BRAF: variants seen among roughly 807,000 people sequenced by gnomAD.
BRAF encodes the protein B-Raf proto-oncogene, serine/threonine kinase, also known as serine/threonine-protein kinase B-raf.
Under a neutral mutation model 104.6 loss-of-function variants are expected in BRAF, and 16 were observed. The observed-to-expected ratio is 0.15, with a 90% CI of 0.10 to 0.23. BRAF has a LOEUF of 0.23. Among genes scored for constraint, BRAF ranks in the 10% least tolerant of loss-of-function variants. The pLI is 1.00. For synonymous variants in BRAF, 310 were observed against 341.6 expected, an observed-to-expected ratio of 0.91 and a Z score of 1.02; for missense variants, 541 against 937.3, an observed-to-expected ratio of 0.58 and a Z score of 5.52.
chr7:140,825,671 A>C (rs1481636264), intron 3 of BRAF, among the ~76,000 whole-genome samples: 1 of 152,210 alleles, frequency 6.6e-6, no homozygotes, highest in Non-Finnish European at 1.5e-5. Context: ...CATTTGCCCA[A>C]GTCAACCTAA....
At position 140,834,859 on chromosome 7, in the gene BRAF, T is replaced by C. The variant is rs1131691387; in HGVS notation, c.254A>G (p.Tyr85Cys). 4.3e-6 allele frequency: 7 copies of C among 1,614,040 alleles called. No homozygotes were observed. The highest frequency in any genetic ancestry group is 5.1e-6 in the Non-Finnish European group (6 of 1,179,986). Residue 85 changes from tyrosine (Y) to cysteine (C), a missense_variant, in exon 3 of 20, where the codon TAC becomes TGC. This residue lies in a region of BRAF where 86 missense variants were observed against 133.9 expected (regional missense o/e 0.64). Transcript: ENST00000644969. ...TTGGAGTGCATCTAGCTTGCTGGTG[T>C]ATTCTTCATAGGCCTATAAAATAAA... ...PSIYLEAYEE[Y>C]TSKLDALQQR...
intron 8 of BRAF, among the ~76,000 whole-genome samples, chr7:140,792,593 T>A (rs1802098680): frequency 6.6e-6 from 1 of 152,228 alleles, no homozygotes; most frequent in Admixed American, 6.5e-5. Context: ...GCTTAAAGGT[T>A]GTCCCTTCTC....
rs1442683518 is a variant in BRAF at position 140,777,005 on chromosome 7, C to A, written c.1721G>T (p.Gly574Val). ...ATGGAGATGGTGATACAAGCTGGAG[C>A]CCTCACACCACTGGGTAACAATAGC... ...QLAIVTQWCEGSSLYHHLHII... is the reference protein window; with the variant it reads ...QLAIVTQWCEVSSLYHHLHII... The change falls in exon 14 of 20, where the codon GGC (glycine) becomes GTC (valine). Residue 574 changes from glycine (G) to valine (V), a missense_variant. Transcript: ENST00000644969. 1 of 1,613,568 alleles carries A rather than the reference C, an allele frequency of 6.2e-7. No homozygotes were observed. Among genetic ancestry groups the A allele is most frequent in the African/African-American group, 1.3e-5 (1 of 74,882 alleles).
chr7:140,777,962 C>T (rs1800492707), intron 13 of BRAF, 29 bp downstream of exon 12: 1 of 1,605,574 alleles, frequency 6.2e-7, no homozygotes, highest in Non-Finnish European at 8.5e-7. Context: ...ACTTCTTTCT[C>T]TGGAAAAGAG....
intron 3 of BRAF, among the ~76,000 whole-genome samples, chr7:140,814,714 GTATA>G (rs1022405064): frequency 5.8e-5 from 8 of 138,704 alleles, no homozygotes; most frequent in Admixed American, 5.7e-4. Flanking sequence ...TATATATAAT[GTATA>G]TAATTTATAT....
chr7:140,868,036 G>A (rs756493508), intron 1 of BRAF, among the ~76,000 whole-genome samples: 2 of 152,184 alleles, frequency 1.3e-5, no homozygotes, highest in Non-Finnish European at 2.9e-5. Context: ...GCCTGGACTA[G>A]TTTACTAGAA....
intron 1 of BRAF, among the ~76,000 whole-genome samples, chr7:140,873,426 TC>T (rs1405308628): frequency 3.3e-5 from 5 of 152,144 alleles, no homozygotes; most frequent in African/African-American, 1.2e-4. Flanking sequence ...TGCCTCGGCC[TC>T]CCAAAGTGCT....
chr7:140,844,245 TA>T (rs1011498495), intron 2 of BRAF, among the ~76,000 whole-genome samples: 144 of 150,746 alleles, frequency 9.6e-4, no homozygotes, highest in African/African-American at 3.3e-3. Flanking sequence ...AAAAGAAAAT[TA>T]AAAAAAAATA....
intron 1 of BRAF, among the ~76,000 whole-genome samples, chr7:140,919,721 T>A (rs1818008100): frequency 6.6e-6 from 1 of 152,194 alleles, no homozygotes; most frequent in South Asian, 2.1e-4. Context: ...CATGAAGTTA[T>A]CCATAACCTT....
chr7:140,722,255 G>C lies in BRAF; in HGVS notation c.*4239C>G, dbSNP rs1053316993. On this transcript the variant is annotated 3_prime_UTR_variant, in exon 20 of 20. Transcript: ENST00000644969. The stretch of plus-strand genomic sequence containing the variant: ...TTTTGTTCACTGAAAATTTACCTGT[G>C]TGTTTTCTCATTGTTAAATGTGATT... 36 of 1,056,106 alleles carry C rather than the reference G, an allele frequency of 3.4e-5. No homozygotes were observed. The highest frequency in any genetic ancestry group is 4.0e-5 in the Non-Finnish European group (35 of 873,702). 65.4% of individuals were successfully genotyped at this position (1,056,106 alleles called of 1,614,324 possible).
chr7:140,830,830 C>G lies in BRAF; in HGVS notation c.504+3779G>C, dbSNP rs960341304. On this transcript the variant is annotated intron_variant, in intron 3 of 19. Coordinates refer to ENST00000644969, the MANE Select transcript of BRAF (RefSeq NM_001374258.1). ...GAAGCTCTGCATCCCTTCCCACATA[C>G]CTTTCCCTATGCATTTCTTCCATCT... Among the ~76,000 whole-genome samples, 3 of 152,330 alleles carry G rather than the reference C, an allele frequency of 2.0e-5. No individual in the cohort carries two copies. The South Asian group carries it at 6.2e-4, about 32-fold the overall frequency.
chr7:140,821,875 C>A (rs538223720), intron 3 of BRAF, among the ~76,000 whole-genome samples: 1 of 152,086 alleles, frequency 6.6e-6, no homozygotes, highest in Non-Finnish European at 1.5e-5. Flanking sequence ...TTTGCAGCAA[C>A]CTGGATGCAG....
At chr7:140,832,180 C>T (rs950811030) in intron 3 of BRAF, among the ~76,000 whole-genome samples, 2 of 152,164 alleles carry the variant, frequency 1.3e-5, no homozygotes, top group African/African-American at 2.4e-5. Flanking sequence ...AAGTGTTTAG[C>T]GTGCTATCTT....
At chr7:140,891,356 G>T (rs1814196913) in intron 1 of BRAF, among the ~76,000 whole-genome samples, 1 of 152,132 alleles carries the variant, frequency 6.6e-6, no homozygotes, top group Non-Finnish European at 1.5e-5. Context: ...CTTGGATGCG[G>T]AAGTCTCTTA....
Position 140,829,124 on chromosome 7 carries a change from A to T in BRAF, c.504+5485T>A, listed in dbSNP as rs1325067118. On this transcript the variant is annotated intron_variant, in intron 3 of 19. Coordinates refer to ENST00000644969, the MANE Select transcript of BRAF (RefSeq NM_001374258.1). The stretch of plus-strand genomic sequence containing the variant: ...TCTTTGTATATTCAGAAGACTATTT[A>T]CTTCTTGGTATCTGGGCACCAATGC... 3.6e-4 allele frequency among the ~76,000 whole-genome samples: 53 copies of T among 148,368 alleles called. No homozygotes were observed. In the Admixed American group the frequency reaches 3.6e-3, roughly 10 times the overall value.
At chr7:140,762,632 T>G (rs981064304) in intron 14 of BRAF, among the ~76,000 whole-genome samples, 2 of 146,012 alleles carry the variant, frequency 1.4e-5, no homozygotes, top group African/African-American at 5.2e-5. Flanking sequence ...TTTTAATTGA[T>G]CATTCTTGGG....
intron 14 of BRAF, among the ~76,000 whole-genome samples, chr7:140,759,498 C>T (rs113216188): frequency 0.025 from 3,807 of 152,210 alleles, 174 homozygotes; most frequent in African/African-American, 0.086. Flanking sequence ...GTGATTCTCC[C>T]GCCTCAGCCT....
chr7:140,835,881 T>C (rs1324600740), intron 2 of BRAF: 1 of 152,200 alleles, frequency 6.6e-6, no homozygotes, highest in Non-Finnish European at 1.5e-5. Context: ...GAAGCAAATA[T>C]TTTAAAATGG....
chr7:140,795,930 G>A (rs571563365), intron 7 of BRAF, among the ~76,000 whole-genome samples: 4 of 152,046 alleles, frequency 2.6e-5, no homozygotes, highest in Non-Finnish European at 5.9e-5. Flanking sequence ...TTTTGCTTTA[G>A]GTAGCCAAAT....
Sources: allele counts gnomAD v4.1 joint callset (sites outside exome capture counted in the v4.1 genomes callset), GRCh38; gene constraint gnomAD v4.1.1; regional missense constraint gnomAD v4.1.1; transcripts MANE v1.5; gene names NCBI Gene and HGNC (gene_info 2026-07-23, HGNC 2026-07-21).